KIF1A: variants seen among roughly 807,000 people sequenced by gnomAD.
KIF1A encodes the protein kinesin-like protein KIF1A.
In KIF1A, 46 loss-of-function variants were observed where a neutral mutation model predicts 227.3. The observed-to-expected ratio is 0.20, with a 90% CI of 0.16 to 0.26. The LOEUF is 0.26. Ranked by LOEUF, KIF1A falls within the 10% of genes least tolerant of loss-of-function variation. KIF1A has a pLI of 1.00. For synonymous variants in KIF1A, 1,022 were observed against 1,012.8 expected (o/e 1.01, Z -0.17); for missense variants, 1,683 against 2,485.9 (o/e 0.68, Z 6.87).
At chr2:240,748,285 A>G (rs2048833801) in intron 28 of KIF1A, among the ~76,000 whole-genome samples, 1 of 152,074 alleles carries the variant, frequency 6.6e-6, no homozygotes, top group Admixed American at 6.5e-5. Flanking sequence ...TCTCAACCCC[A>G]TAGGGTGCAG....
At chr2:240,724,368 G>A (rs969304252) in intron 40 of KIF1A, 2 of 390,672 alleles carry the variant, frequency 5.1e-6, no homozygotes, top group South Asian at 2.3e-5. Context: ...GTCCCTCCAC[G>A]GCGTCGAGAG....
chr2:240,800,316 A>T (rs1047789182), intron 1 of KIF1A, among the ~76,000 whole-genome samples: 26 of 152,186 alleles, frequency 1.7e-4, no homozygotes, highest in Non-Finnish European at 1.2e-4. Flanking sequence ...GAATATGCAC[A>T]CCACGAAGCA....
chr2:240,786,333 A>G lies in KIF1A; in HGVS notation c.608+2T>C. On this transcript the variant is annotated splice_donor_variant, in intron 6 of 48. Coordinates refer to ENST00000498729, the MANE Select transcript of KIF1A (RefSeq NM_001244008.2). LOFTEE classifies it high-confidence loss of function. Reference sequence around the variant, plus strand: ...GGAGGTCCAGTGAGTCCCTCCACCCACCTGGCCTTGTTCCCTGAGTCCATG... The same window carrying G: ...GGAGGTCCAGTGAGTCCCTCCACCCGCCTGGCCTTGTTCCCTGAGTCCATG... The G allele has an allele frequency of 6.2e-7, 1 of 1,612,974 alleles. No individual in the cohort carries two copies. The highest frequency in any genetic ancestry group is 1.3e-5 in the African/African-American group (1 of 75,018).
chr2:240,763,143 G>C, intron 21 of KIF1A, 23 bp downstream of exon 21: 2 of 1,605,690 alleles, frequency 1.2e-6, no homozygotes, highest in Non-Finnish European at 1.7e-6. Context: ...GCAGCAGGCA[G>C]TTGGGGGTGG....
rs752792033 is a variant in KIF1A, at chr2:240,790,366, A to G, written c.107-1054T>C. On this transcript the variant is annotated intron_variant, in intron 2 of 48. Coordinates refer to ENST00000498729, the MANE Select transcript of KIF1A (RefSeq NM_001244008.2). This position sits in a 1 kb window ranked among gnomAD's most constrained non-coding sequence, Gnocchi z 5.0. ...AACGAAGCCCTCATGGCACCGTCCT[A>G]TGCTTGGAGATGAAGGCTGGAGATG... 3.1e-4 allele frequency among the ~76,000 whole-genome samples: 47 copies of G among 151,954 alleles called. No homozygotes were observed. The highest frequency in any genetic ancestry group is 5.3e-4 in the Non-Finnish European group (36 of 68,026).
chr2:240,801,119 TA>T (rs1412389399), intron 1 of KIF1A, among the ~76,000 whole-genome samples: 2 of 151,106 alleles, frequency 1.3e-5, no homozygotes, highest in African/African-American at 4.9e-5. Flanking sequence ...GGACTCTGAT[TA>T]AAAACAAAGA....
chr2:240,781,431 CCA>C (rs1207804684), intron 10 of KIF1A, among the ~76,000 whole-genome samples: 611 of 21,932 alleles, frequency 0.028, 66 homozygotes, highest in African/African-American at 0.11. Context: ...ACACACAGCT[CCA>C]CACACACACA....
At position 240,758,460 on chromosome 2, in the gene KIF1A, C is replaced by T. The variant is rs780483327; in HGVS notation, c.2482G>A (p.Ala828Thr). Residue 828 changes from alanine (A) to threonine (T), a missense_variant, in exon 26 of 49, where the codon GCT becomes ACT. Around this residue, in one of 12 missense-constraint regions of KIF1A, gnomAD observed 759 missense variants for 1,020.2 expected, o/e 0.74. Transcript: ENST00000498729. The surrounding 1 kb of genome is among the most constrained non-coding windows in gnomAD (Gnocchi z 5.2). ...ATGACACTGGAGGGCACCTCTGCAGCGCGGTCGTACATCTCCCGCATCAGG... is the reference window on the plus strand; with the variant it reads ...ATGACACTGGAGGGCACCTCTGCAGTGCGGTCGTACATCTCCCGCATCAGG... ...LDLMREMYDR[A>T]AEVPSSVIED... 3.0e-5 allele frequency: 48 copies of T among 1,607,488 alleles called. No individual in the cohort carries two copies. The highest frequency in any genetic ancestry group is 3.9e-5 in the Non-Finnish European group (46 of 1,176,846).
rs964858348 is a variant in KIF1A, at chr2:240,757,937, G to A, written c.2583-343C>T. Among the ~76,000 whole-genome samples the A allele has an allele frequency of 5.3e-5, 8 of 152,216 alleles. No homozygotes were observed. Among genetic ancestry groups the A allele is most frequent in the East Asian group, 3.9e-4 (2 of 5,190 alleles). ...TACCACGGTCCCATGGGGTGAAGGG[G>A]GCTGGGTGCAGACCCCAGACTGGAG... On this transcript the variant is annotated intron_variant, in intron 26 of 48. Coordinates refer to ENST00000498729, the MANE Select transcript of KIF1A (RefSeq NM_001244008.2). The surrounding 1 kb of genome is among the most constrained non-coding windows in gnomAD (Gnocchi z 6.2).
intron 6 of KIF1A, 120 bp downstream of exon 6, chr2:240,786,215 C>T: frequency 1.0e-6 from 1 of 993,832 alleles, no homozygotes. Flanking sequence ...GGAGGCCACA[C>T]CTCCGCGGGG....
chr2:240,747,409 A>C (rs938702155), intron 28 of KIF1A, 88 bp from the exon 29 acceptor site: 16 of 969,544 alleles, frequency 1.7e-5, no homozygotes, highest in Non-Finnish European at 2.5e-5. Flanking sequence ...CCCCGCAGTC[A>C]AAGTGAGGGC....
intron 1 of KIF1A, among the ~76,000 whole-genome samples, chr2:240,801,791 C>G (rs1359003699): frequency 6.6e-6 from 1 of 152,214 alleles, no homozygotes; most frequent in Non-Finnish European, 1.5e-5. Context: ...AAAGCAGATC[C>G]TCAGCCAATG....
At chr2:240,774,305 C>T in intron 11 of KIF1A, 44 bp from the exon 12 acceptor site, 1 of 1,351,528 alleles carries the variant, frequency 7.4e-7, no homozygotes, top group Non-Finnish European at 1.1e-6. Flanking sequence ...GGATCTAGGC[C>T]CCAGGGCTAT....
intron 38 of KIF1A, among the ~76,000 whole-genome samples, chr2:240,728,665 G>A (rs1245455074): frequency 6.6e-6 from 1 of 152,202 alleles, no homozygotes; most frequent in African/African-American, 2.4e-5. Flanking sequence ...CCTCAGCTGG[G>A]CCAGGTGGAT....
Position 240,761,361 on chromosome 2 carries a change from C to G in KIF1A, c.2133G>C (p.Arg711=). Residue 711 remains arginine (R), a synonymous_variant, in exon 24 of 49, where the codon CGG becomes CGC. Transcript: ENST00000498729. ...AGGCCCAGAGCGCCAGCTCACACTC[C>G]CGCTCTGTCCACTGGACTGTGGGGA... ...EPEDEVQWTE[R]ECELALWAFR... is the part of the protein sequence containing the mutation. 1 of 1,610,096 alleles carries G rather than the reference C, an allele frequency of 6.2e-7. No individual in the cohort carries two copies.
intron 1 of KIF1A, among the ~76,000 whole-genome samples, chr2:240,811,791 T>C (rs2057884170): frequency 6.6e-6 from 1 of 152,004 alleles, no homozygotes; most frequent in Non-Finnish European, 1.5e-5. Flanking sequence ...CCAAAGAAGA[T>C]GCCGAGAAGC....
intron 17 of KIF1A, among the ~76,000 whole-genome samples, chr2:240,768,397 C>T (rs938569105): frequency 2.0e-5 from 3 of 152,252 alleles, no homozygotes; most frequent in African/African-American, 4.8e-5. Flanking sequence ...CGGACCTCAG[C>T]GCGTGCTGGG....
intron 27 of KIF1A, among the ~76,000 whole-genome samples, chr2:240,751,438 G>A (rs573846117): frequency 1.4e-4 from 21 of 152,246 alleles, no homozygotes; most frequent in Non-Finnish European, 2.6e-4. Flanking sequence ...GAGACTCAGC[G>A]GGCTGTGAAC....
intron 20 of KIF1A, 88 bp from the exon 21 acceptor site, chr2:240,763,434 G>C: frequency 7.6e-7 from 1 of 1,309,704 alleles, no homozygotes; most frequent in Non-Finnish European, 1.0e-6. Context: ...GGAGAAAGGG[G>C]AACGGGTGCA....
Sources: allele counts gnomAD v4.1 joint callset (sites outside exome capture counted in the v4.1 genomes callset), GRCh38; gene constraint gnomAD v4.1.1; regional missense constraint gnomAD v4.1.1; non-coding constraint Gnocchi (gnomAD v3.1); transcripts MANE v1.5; gene names NCBI Gene and HGNC (gene_info 2026-07-23, HGNC 2026-07-21).